AUTS2: variants seen among roughly 807,000 people sequenced by gnomAD.
AUTS2 encodes activator of transcription and developmental regulator AUTS2, also known as autism susceptibility gene 2 protein.
AUTS2 carries 17 observed loss-of-function variants against 112.4 expected under a neutral mutation model. The observed-to-expected ratio is 0.15, with a 90% CI of 0.10 to 0.23. AUTS2 has a LOEUF of 0.23. Among genes scored for constraint, AUTS2 ranks in the 10% least tolerant of loss-of-function variants. AUTS2 has a pLI of 1.00. For missense variants in AUTS2, 1,510 were observed against 1,701.6 expected (o/e 0.89, Z 1.98); for synonymous variants, 751 against 702.7 (o/e 1.07, Z -1.09).
rs375212614 is a variant in AUTS2, at chr7:70,310,491, T to C, written c.661-125261T>C. On this transcript the variant is annotated intron_variant, in intron 4 of 18. Transcript: ENST00000342771. ...AGCTGGGCGTGGTGGTGGGCGCCTGTAGTCCCAGCTACTTGGGAGGCTGAG... is the reference window on the plus strand; with the variant it reads ...AGCTGGGCGTGGTGGTGGGCGCCTGCAGTCCCAGCTACTTGGGAGGCTGAG... 2.2e-3 allele frequency among the ~76,000 whole-genome samples: 336 copies of C among 151,978 alleles called. 1 individual carries two copies. Among genetic ancestry groups the C allele is most frequent in the African/African-American group, 7.8e-3 (322 of 41,440 alleles).
chr7:70,690,732 G>A (rs996700215), intron 5 of AUTS2, among the ~76,000 whole-genome samples: 21 of 152,198 alleles, frequency 1.4e-4, no homozygotes, highest in Admixed American at 1.2e-3. Flanking sequence ...GGAGGTCAAG[G>A]TGGGAGAATC....
intron 1 of AUTS2, among the ~76,000 whole-genome samples, chr7:69,688,755 C>G (rs1797170576): frequency 6.6e-6 from 1 of 152,082 alleles, no homozygotes; most frequent in Non-Finnish European, 1.5e-5. Flanking sequence ...GTTTTGTATC[C>G]TTTAACAGAG....
In AUTS2 at chr7:70,763,823, T is replaced by C. The variant is rs544824293; in HGVS notation, c.1214+482T>C. Among the ~76,000 whole-genome samples, 4 of 152,274 alleles carry C rather than the reference T, an allele frequency of 2.6e-5. No homozygotes were observed. The East Asian group carries it at 7.7e-4, about 29-fold the overall frequency. The stretch of plus-strand genomic sequence containing the variant: ...GTATTCCAGCTTAAGGATTTTTTTT[T>C]TCATTCTGATTTACTTCCTCCTATG... On this transcript the variant is annotated intron_variant, in intron 7 of 18. Coordinates refer to ENST00000342771, the MANE Select transcript of AUTS2 (RefSeq NM_015570.4).
intron 4 of AUTS2, among the ~76,000 whole-genome samples, chr7:70,348,726 C>T (rs1275417799): frequency 6.6e-6 from 1 of 152,162 alleles, no homozygotes. Flanking sequence ...AGGAGAATGG[C>T]GTGAACCCCG....
chr7:70,351,333 C>T (rs1008603425), intron 4 of AUTS2, among the ~76,000 whole-genome samples: 5 of 152,094 alleles, frequency 3.3e-5, no homozygotes, highest in African/African-American at 7.2e-5. Flanking sequence ...GGATTATAGG[C>T]GTGAGGCACC....
chr7:69,884,480 G>A (rs896388003), intron 1 of AUTS2, among the ~76,000 whole-genome samples: 5 of 152,154 alleles, frequency 3.3e-5, no homozygotes, highest in East Asian at 1.9e-4. Context: ...TAAATCTCAC[G>A]TTTAATCCTC....
At chr7:69,938,739 A>G (rs937926331) in intron 2 of AUTS2, among the ~76,000 whole-genome samples, 2 of 152,236 alleles carry the variant, frequency 1.3e-5, no homozygotes, top group Admixed American at 1.3e-4. Context: ...AGGTGGAACC[A>G]AAGTACATAG....
At chr7:69,923,283 A>G (rs1795884316) in intron 2 of AUTS2, among the ~76,000 whole-genome samples, 1 of 152,190 alleles carries the variant, frequency 6.6e-6, no homozygotes, top group Non-Finnish European at 1.5e-5. Flanking sequence ...GTAAACAATC[A>G]GTTGTCCATG....
At chr7:70,054,365 C>G (rs763468356) in intron 2 of AUTS2, among the ~76,000 whole-genome samples, 2 of 152,012 alleles carry the variant, frequency 1.3e-5, no homozygotes, top group African/African-American at 4.8e-5. Context: ...TTTTATTTCT[C>G]CTTGCTTCTT....
chr7:70,183,644 T>G (rs1809443387), intron 4 of AUTS2, among the ~76,000 whole-genome samples: 1 of 152,158 alleles, frequency 6.6e-6, no homozygotes, highest in African/African-American at 2.4e-5. Context: ...TTCCTCTTCC[T>G]TCTGCCCATC....
At chr7:70,640,572 G>GGTGT (rs56257017) in intron 5 of AUTS2, among the ~76,000 whole-genome samples, 56,577 of 150,012 alleles carry the variant, frequency 0.38, 10,732 homozygotes, top group South Asian at 0.54. Context: ...CAGAACTAAT[G>GGTGT]GTGTGTGTGT....
chr7:70,511,802 C>T (rs144977045), intron 5 of AUTS2, among the ~76,000 whole-genome samples: 1,561 of 152,138 alleles, frequency 0.01, 14 homozygotes, highest in African/African-American at 0.036. Flanking sequence ...TCTTGAACTC[C>T]TGACCTCAAG....
intron 4 of AUTS2, among the ~76,000 whole-genome samples, chr7:70,257,280 A>G (rs1353235594): frequency 1.3e-5 from 2 of 152,154 alleles, no homozygotes; most frequent in African/African-American, 2.4e-5. Flanking sequence ...AGCTGGGACT[A>G]CAGGCACACG....
intron 4 of AUTS2, among the ~76,000 whole-genome samples, chr7:70,341,826 G>T (rs1343651423): frequency 6.6e-6 from 1 of 152,224 alleles, no homozygotes; most frequent in Non-Finnish European, 1.5e-5. Context: ...GGCAAGAAAT[G>T]GACAACTTAT....
At chr7:69,841,152 T>C (rs1791962792) in intron 1 of AUTS2, among the ~76,000 whole-genome samples, 1 of 152,170 alleles carries the variant, frequency 6.6e-6, no homozygotes, top group Non-Finnish European at 1.5e-5. Context: ...TTAACCTGAA[T>C]CTAACCAGGT....
chr7:69,719,195 C>T (rs1798783053), intron 1 of AUTS2, among the ~76,000 whole-genome samples: 2 of 152,138 alleles, frequency 1.3e-5, no homozygotes, highest in African/African-American at 4.8e-5. Context: ...GTTTTACTCT[C>T]TGGGGTCATA....
intron 4 of AUTS2, among the ~76,000 whole-genome samples, chr7:70,353,053 CTTG>C (rs1791838406): frequency 6.6e-6 from 1 of 152,198 alleles, no homozygotes; most frequent in Non-Finnish European, 1.5e-5. Flanking sequence ...CCGCCAAACA[CTTG>C]TCCCTGAGTC....
intron 1 of AUTS2, among the ~76,000 whole-genome samples, chr7:69,769,604 C>T (rs1371451728): frequency 3.3e-5 from 5 of 152,210 alleles, no homozygotes; most frequent in Non-Finnish European, 7.3e-5. Context: ...TTATATCTCC[C>T]TCCCCTCCTT....
chr7:70,250,657 C>T (rs1270371959), intron 4 of AUTS2, among the ~76,000 whole-genome samples: 6 of 152,206 alleles, frequency 3.9e-5, no homozygotes, highest in Non-Finnish European at 2.9e-5. Flanking sequence ...AAACATGGTA[C>T]ATATACATCA....
Sources: gnomAD v4.1 joint callset for allele counts (sites outside exome capture counted in the v4.1 genomes callset) on GRCh38, gnomAD v4.1.1 for gene constraint, MANE v1.5 for transcripts, NCBI Gene and HGNC (gene_info 2026-07-23, HGNC 2026-07-21) for gene names.